Variants in SEMA6D observed in about 807,000 individuals in gnomAD.
SEMA6D encodes the protein semaphorin 6D, also known as semaphorin-6D.
Under a neutral mutation model 106.6 loss-of-function variants are expected in SEMA6D, and 35 were observed. The observed-to-expected ratio is 0.33, with a 90% CI of 0.25 to 0.44. The LOEUF (loss-of-function observed/expected upper bound fraction) is 0.44. Among genes scored for constraint, SEMA6D ranks in the 20% least tolerant of loss-of-function variants. SEMA6D has a pLI of 1.00. For synonymous variants in SEMA6D, 499 were observed against 487.7 expected, an observed-to-expected ratio of 1.02 and a Z score of -0.31; for missense variants, 1,185 against 1,345.9, an observed-to-expected ratio of 0.88 and a Z score of 1.87.
intron 3 of SEMA6D, among the ~76,000 whole-genome samples, chr15:47,485,568 A>G (rs2043274030): frequency 6.6e-6 from 1 of 152,202 alleles, no homozygotes; most frequent in African/African-American, 2.4e-5. Context: ...CAGTTATGGC[A>G]GGCTCCATTA....
At chr15:47,517,879 C>T (rs2044439818) in intron 3 of SEMA6D, among the ~76,000 whole-genome samples, 1 of 152,168 alleles carries the variant, frequency 6.6e-6, no homozygotes, top group South Asian at 2.1e-4. Context: ...CTGGAAATGT[C>T]TCCTCTGTTG....
intron 3 of SEMA6D, among the ~76,000 whole-genome samples, chr15:47,476,516 G>A (rs1209534178): frequency 6.6e-6 from 1 of 152,130 alleles, no homozygotes; most frequent in Non-Finnish European, 1.5e-5. Flanking sequence ...TAATGGTGGA[G>A]CTTAGAAATG....
intron 2 of SEMA6D, among the ~76,000 whole-genome samples, chr15:47,432,009 C>T (rs913794141): frequency 1.3e-5 from 2 of 152,052 alleles, no homozygotes; most frequent in African/African-American, 2.4e-5. Context: ...CCCAACCACC[C>T]GCAATGTTAC....
Position 47,629,165 on chromosome 15 carries a change from C to T in SEMA6D, c.-55+28269C>T, listed in dbSNP as rs541918354. Among the ~76,000 whole-genome samples the T allele has an allele frequency of 8.5e-5, 13 of 152,114 alleles. No individual in the cohort carries two copies. In the South Asian group the frequency reaches 1.2e-3, roughly 15 times the overall value. ...TAATAAGTCATAAAATTGAATAAAT[C>T]GATTCCTCCCAATATATGGTAGATC... On this transcript the variant is annotated intron_variant, in intron 4 of 19. Coordinates refer to the SEMA6D transcript ENST00000558014.
At chr15:47,281,205 G>A (rs1420100417) in intron 1 of SEMA6D, among the ~76,000 whole-genome samples, 1 of 128,960 alleles carries the variant, frequency 7.8e-6, no homozygotes, top group African/African-American at 2.9e-5. Context: ...TATGAATCTT[G>A]GTGCTCCTGT....
At chr15:47,542,400 C>A (rs539177216) in intron 3 of SEMA6D, among the ~76,000 whole-genome samples, 27 of 152,168 alleles carry the variant, frequency 1.8e-4, no homozygotes, top group Non-Finnish European at 3.5e-4. Context: ...CTCCTTTGAG[C>A]AGACCATAGA....
chr15:47,278,355 G>A (rs1395261863), intron 1 of SEMA6D, among the ~76,000 whole-genome samples: 1 of 152,150 alleles, frequency 6.6e-6, no homozygotes, highest in Non-Finnish European at 1.5e-5. Flanking sequence ...GCATTTCTCT[G>A]ATGGCCAGTG....
At chr15:47,552,868 T>TTATATATA (rs1555389679) in intron 3 of SEMA6D, among the ~76,000 whole-genome samples, 3 of 57,202 alleles carry the variant, frequency 5.2e-5, no homozygotes, top group East Asian at 4.8e-4. Context: ...ATATATATTT[T>TTATATATA]TATATATATA....
intron 2 of SEMA6D, among the ~76,000 whole-genome samples, chr15:47,431,236 G>A (rs952188051): frequency 1.3e-5 from 2 of 151,516 alleles, no homozygotes; most frequent in African/African-American, 4.9e-5. Flanking sequence ...TTGATTTAAG[G>A]GACTTTTATC....
At chr15:47,548,030 G>C (rs142975161) in intron 3 of SEMA6D, among the ~76,000 whole-genome samples, 1 of 152,068 alleles carries the variant, frequency 6.6e-6, no homozygotes, top group East Asian at 1.9e-4. Flanking sequence ...TGATCCAATG[G>C]TATCCCTGTG....
intron 4 of SEMA6D, among the ~76,000 whole-genome samples, chr15:47,669,590 C>T (rs2078099919): frequency 6.6e-6 from 1 of 152,150 alleles, no homozygotes; most frequent in Non-Finnish European, 1.5e-5. Flanking sequence ...AAACTCTTAT[C>T]CTTCTCTTAC....
intron 1 of SEMA6D, among the ~76,000 whole-genome samples, chr15:47,305,935 T>TTGTA (rs1216962183): frequency 2.6e-5 from 4 of 152,230 alleles, no homozygotes; most frequent in African/African-American, 9.6e-5. Flanking sequence ...CTTTCCTACT[T>TTGTA]TGTATCACAA....
chr15:47,645,366 G>A (rs1169144754), intron 4 of SEMA6D, among the ~76,000 whole-genome samples: 1 of 152,158 alleles, frequency 6.6e-6, no homozygotes, highest in African/African-American at 2.4e-5. Flanking sequence ...TCCTTGTCCA[G>A]CCCACTCCCT....
At chr15:47,603,127 A>G (rs1374675959) in intron 4 of SEMA6D, among the ~76,000 whole-genome samples, 1 of 152,106 alleles carries the variant, frequency 6.6e-6, no homozygotes, top group South Asian at 2.1e-4. Flanking sequence ...ATGGTTTTTC[A>G]TATATAAAGA....
At chr15:47,652,894 G>C (rs1013878920) in intron 4 of SEMA6D, among the ~76,000 whole-genome samples, 1 of 152,170 alleles carries the variant, frequency 6.6e-6, no homozygotes, top group African/African-American at 2.4e-5. Context: ...TCTCAATCCA[G>C]CTGCAATAAA....
chr15:47,392,629 C>T (rs1284326727), intron 1 of SEMA6D, among the ~76,000 whole-genome samples: 1 of 152,176 alleles, frequency 6.6e-6, no homozygotes, highest in Non-Finnish European at 1.5e-5. Flanking sequence ...GCCCTGCTGA[C>T]ATCTTGAGTT....
At position 47,581,572 on chromosome 15, in the gene SEMA6D, TAGG is replaced by T. The variant is rs550028331; in HGVS notation, c.-86-19287_-86-19285del. 1.1e-3 allele frequency among the ~76,000 whole-genome samples: 174 copies of T among 152,200 alleles called. 1 individual carries two copies. Among genetic ancestry groups the T allele is most frequent in the Non-Finnish European group, 2.3e-3 (157 of 68,006 alleles). On this transcript the variant is annotated intron_variant, in intron 3 of 19. Transcript: ENST00000558014. The stretch of plus-strand genomic sequence containing the variant: ...TGCAAAAATCTAGCTAAGAGCATTC[TAGG>T]AGGAGTAGTGGTGGGATTTGTGGGG...
At chr15:47,712,055 G>T (rs940901777) in intron 4 of SEMA6D, among the ~76,000 whole-genome samples, 2 of 152,084 alleles carry the variant, frequency 1.3e-5, no homozygotes, top group Non-Finnish European at 2.9e-5. Context: ...TGTGAAATAG[G>T]TCTTATTATT....
chr15:47,527,798 A>G (rs1321573678), intron 3 of SEMA6D: 1 of 152,176 alleles, frequency 6.6e-6, no homozygotes, highest in Non-Finnish European at 1.5e-5. Context: ...AAAATAATCC[A>G]CTGTTGAAAC....
Sources: gnomAD v4.1 joint callset for allele counts (sites outside exome capture counted in the v4.1 genomes callset) on GRCh38, gnomAD v4.1.1 for gene constraint, MANE v1.5 for transcripts, NCBI Gene and HGNC (gene_info 2026-07-23, HGNC 2026-07-21) for gene names.